Variants in KCNK2 observed in about 807,000 individuals in gnomAD.
KCNK2 encodes the protein potassium two pore domain channel subfamily K member 2.
KCNK2 carries 21 observed loss-of-function variants against 40.5 expected under a neutral mutation model. That is an observed-to-expected ratio of 0.52 (90% CI 0.37 to 0.75). The LOEUF is 0.75. KCNK2 is among the 30% of genes least tolerant of loss of function. KCNK2 has a pLI of 0.00. For synonymous variants in KCNK2, 191 were observed against 202.2 expected, an observed-to-expected ratio of 0.94 and a Z score of 0.47; for missense variants, 399 against 531.6, an observed-to-expected ratio of 0.75 and a Z score of 2.45.
chr1:215,158,810 G>T (rs1663061183), intron 3 of KCNK2, among the ~76,000 whole-genome samples: 1 of 152,156 alleles, frequency 6.6e-6, no homozygotes, highest in African/African-American at 2.4e-5. Context: ...CCTGGAGAAG[G>T]CAATAAAGGA....
At chr1:215,051,675 C>G (rs1315340563) in intron 1 of KCNK2, among the ~76,000 whole-genome samples, 1 of 152,006 alleles carries the variant, frequency 6.6e-6, no homozygotes, top group Non-Finnish European at 1.5e-5. Context: ...GCTTGGGAAG[C>G]AGCAGATGCA....
Position 215,172,048 on chromosome 1 carries a change from A to G in KCNK2, c.688A>G (p.Ile230Val). 1 of 1,613,340 alleles carries G rather than the reference A, an allele frequency of 6.2e-7. No individual in the cohort carries two copies. The highest frequency in any genetic ancestry group is 8.5e-7 in the Non-Finnish European group (1 of 1,179,660). Residue 230 changes from isoleucine to valine, a missense_variant, in exon 5 of 7, where the codon ATA becomes GTA. Transcript: ENST00000444842. ...KIRIISTIIF[I>V]LFGCVLFVAL... ...TCGCATCATCTCAACAATCATATTTATACTATTTGGCTGTGTACTCTTTGT... is the reference window on the plus strand; with the variant it reads ...TCGCATCATCTCAACAATCATATTTGTACTATTTGGCTGTGTACTCTTTGT...
intron 3 of KCNK2, among the ~76,000 whole-genome samples, chr1:215,156,921 C>T (rs559581936): frequency 1.3e-4 from 20 of 152,142 alleles, no homozygotes; most frequent in South Asian, 1.0e-3. Flanking sequence ...TGTGGTGGCT[C>T]GTGCCTGTAA....
intron 1 of KCNK2, among the ~76,000 whole-genome samples, chr1:215,069,306 A>G (rs1658667787): frequency 1.3e-5 from 2 of 152,170 alleles, no homozygotes; most frequent in South Asian, 4.1e-4. Flanking sequence ...TCCCTGCCCT[A>G]GGAAGGAGCT....
chr1:215,221,555 A>G (rs948215678), intron 6 of KCNK2, among the ~76,000 whole-genome samples: 2 of 152,226 alleles, frequency 1.3e-5, no homozygotes, highest in Non-Finnish European at 2.9e-5. Flanking sequence ...CATAGGAAAG[A>G]GAAAATATAT....
At chr1:215,206,850 T>G (rs935883260) in intron 6 of KCNK2, among the ~76,000 whole-genome samples, 7 of 152,218 alleles carry the variant, frequency 4.6e-5, no homozygotes, top group Non-Finnish European at 2.9e-5. Context: ...TATAACTTTA[T>G]AGAAGTCCTG....
chr1:215,080,778 A>G (rs1035355807), upstream of KCNK2, among the ~76,000 whole-genome samples: 1 of 152,222 alleles, frequency 6.6e-6, no homozygotes, highest in Non-Finnish European at 1.5e-5. Context: ...TCTGGGCAGC[A>G]TGGAGATTTG....
intron 1 of KCNK2, among the ~76,000 whole-genome samples, chr1:215,036,443 TA>T (rs1393207917): frequency 6.7e-6 from 1 of 149,388 alleles, no homozygotes; most frequent in African/African-American, 2.4e-5. Flanking sequence ...ATTCGCTTCA[TA>T]AAAAGTTTTA....
intron 1 of KCNK2, among the ~76,000 whole-genome samples, chr1:215,085,898 G>T (rs1386541560): frequency 6.6e-6 from 1 of 152,156 alleles, no homozygotes; most frequent in African/African-American, 2.4e-5. Context: ...ATTTTAAAAT[G>T]AAAATAGAGA....
intron 1 of KCNK2, among the ~76,000 whole-genome samples, chr1:215,066,586 C>G (rs1451084654): frequency 6.6e-6 from 1 of 152,178 alleles, no homozygotes. Context: ...TTTGGACCAG[C>G]CTGCCTGGTA....
At chr1:215,075,293 G>A (rs1247406022) in intron 1 of KCNK2, among the ~76,000 whole-genome samples, 1 of 152,108 alleles carries the variant, frequency 6.6e-6, no homozygotes, top group African/African-American at 2.4e-5. Context: ...ATATATTTTA[G>A]GAATTTTTAT....
chr1:215,225,889 C>T (rs1439553765), intron 6 of KCNK2, among the ~76,000 whole-genome samples: 1 of 152,108 alleles, frequency 6.6e-6, no homozygotes, highest in Non-Finnish European at 1.5e-5. Context: ...AAATTGGCCA[C>T]GTAGCTGACT....
At chr1:215,053,770 C>T (rs1472809599) in intron 1 of KCNK2, among the ~76,000 whole-genome samples, 1 of 152,180 alleles carries the variant, frequency 6.6e-6, no homozygotes, top group Non-Finnish European at 1.5e-5. Flanking sequence ...AGTTCGAGAC[C>T]AGCCTGGCCA....
intron 3 of KCNK2, among the ~76,000 whole-genome samples, chr1:215,139,882 T>A (rs1271152311): frequency 1.3e-5 from 2 of 152,150 alleles, no homozygotes; most frequent in Admixed American, 6.6e-5. Flanking sequence ...AATATGTGAT[T>A]AACATAAAAA....
At chr1:215,210,728 C>T (rs1388825121) in intron 6 of KCNK2, among the ~76,000 whole-genome samples, 1 of 152,064 alleles carries the variant, frequency 6.6e-6, no homozygotes, top group Non-Finnish European at 1.5e-5. Flanking sequence ...ATAATCACTA[C>T]AGGGTAGATA....
chr1:215,140,270 G>C (rs1349715637), intron 3 of KCNK2, among the ~76,000 whole-genome samples: 1 of 152,106 alleles, frequency 6.6e-6, no homozygotes, highest in Non-Finnish European at 1.5e-5. Context: ...CTTTAGGCAA[G>C]GTGATTCAGT....
intron 2 of KCNK2, among the ~76,000 whole-genome samples, chr1:215,122,285 A>C (rs1661222452): frequency 6.6e-6 from 1 of 152,154 alleles, no homozygotes; most frequent in South Asian, 2.1e-4. Context: ...TATTCAACAT[A>C]TTTCAATGGA....
chr1:215,071,326 C>A (rs1658750767), intron 1 of KCNK2, among the ~76,000 whole-genome samples: 1 of 152,136 alleles, frequency 6.6e-6, no homozygotes, highest in South Asian at 2.1e-4. Flanking sequence ...GAGGGGTTTG[C>A]AGGGATGATA....
At chr1:215,230,532 T>TATACACACACATAACA (rs1558150321) in intron 6 of KCNK2, among the ~76,000 whole-genome samples, 1 of 37,116 alleles carries the variant, frequency 2.7e-5, no homozygotes, top group African/African-American at 7.5e-5. Flanking sequence ...TATATATATA[T>TATACACACACATAACA]GTATATATAT....
Sources: gnomAD v4.1 joint callset for allele counts (sites outside exome capture counted in the v4.1 genomes callset) on GRCh38, gnomAD v4.1.1 for gene constraint, MANE v1.5 for transcripts, NCBI Gene and HGNC (gene_info 2026-07-23, HGNC 2026-07-21) for gene names.